The following LRR1 variants were observed in gnomAD, a reference collection of about 807,000 sequenced individuals.
LRR1 encodes the protein leucine-rich repeat protein 1.
A neutral mutation model predicts 31.6 loss-of-function variants in LRR1; 29 were observed. The observed-to-expected ratio is 0.92, with a 90% CI of 0.68 to 1.25. LRR1 has a LOEUF of 1.25. LRR1 is among the 50% of genes most tolerant of loss of function. The pLI is 0.00. For missense variants in LRR1, 485 were observed against 487.2 expected, an observed-to-expected ratio of 1.00 and a Z score of 0.04; for synonymous variants, 179 against 181.4, an observed-to-expected ratio of 0.99 and a Z score of 0.10.
chr14:49,599,900 G>C lies in LRR1; in HGVS notation c.183+697G>C, dbSNP rs1197311666. 3 of 851,452 alleles carry C rather than the reference G, an allele frequency of 3.5e-6. No individual in the cohort carries two copies. The Admixed American group carries it at 1.4e-4, about 39-fold the overall frequency. The allele number at this position is 851,452 out of a possible 1,614,324, so 52.7% of individuals were successfully genotyped here. On this transcript the variant is annotated intron_variant, in intron 1 of 3. Coordinates refer to ENST00000298288, the MANE Select transcript of LRR1 (RefSeq NM_152329.4). ...CCCCGCGGCGTGGAGCGGCGGCGAC[G>C]GCGGCGGACCCTCCAGGCGGGCTGA...
In LRR1 at chr14:49,607,412, A is replaced by C. The variant is rs774468080; in HGVS notation, c.295A>C (p.Ser99Arg). Residue 99 changes from serine (S) to arginine (R), a missense_variant, in exon 3 of 4, where the codon AGT becomes CGT. Transcript: ENST00000298288. ...DICLSKAISS[S>R]LKGFLSAMRL... ...TTTATTTATTCAGGCCATTTCCAGC[A>C]GTTTAAAAGGTTTCCTTTCAGCTAT... The C allele has an allele frequency of 6.4e-7, 1 of 1,563,706 alleles. No individual in the cohort carries two copies. The highest frequency in any genetic ancestry group is 8.6e-7 in the Non-Finnish European group (1 of 1,158,966).
Position 49,607,455 on chromosome 14 carries a change from G to A in LRR1, c.338G>A (p.Gly113Asp). 1.2e-6 allele frequency: 2 copies of A among 1,611,364 alleles called. No individual in the cohort carries two copies. Among genetic ancestry groups the A allele is most frequent in the Non-Finnish European group, 1.7e-6 (2 of 1,179,118 alleles). The change falls in exon 3 of 4, where the codon GGC becomes GAC. Residue 113 changes from glycine (G) to aspartate (D), a missense_variant. Gly to Asp is a moderately conservative substitution (Grantham distance 94, BLOSUM62 -1). Transcript: ENST00000298288. The part of the protein sequence containing the change: ...FLSAMRLAHR[G>D]CNVDTPVSTL... Reference sequence around the variant, plus strand: ...TCAGCTATGAGACTGGCTCATAGAGGCTGTAATGTTGATACACCAGTTTCA... The same window carrying A: ...TCAGCTATGAGACTGGCTCATAGAGACTGTAATGTTGATACACCAGTTTCA...
At chr14:49,604,041 A>G (rs551953019) in intron 2 of LRR1, among the ~76,000 whole-genome samples, 4 of 147,840 alleles carry the variant, frequency 2.7e-5, no homozygotes, top group Non-Finnish European at 4.5e-5. Flanking sequence ...CATAGCTCAC[A>G]CCTGTAATCC....
intron 3 of LRR1, chr14:49,612,691 C>T (rs988649560): frequency 3.1e-6 from 3 of 967,194 alleles, no homozygotes. Flanking sequence ...TTTAAACTCT[C>T]ATTTTAAGTT....
intron 1 of LRR1, chr14:49,600,006 C>T: frequency 1.2e-6 from 2 of 1,606,938 alleles, no homozygotes; most frequent in Non-Finnish European, 8.5e-7. Context: ...GGCTCACGGG[C>T]CCGGCGCGCT....
At chr14:49,599,919 G>GGGCTGA in intron 1 of LRR1, 1 of 1,186,796 alleles carries the variant, frequency 8.4e-7, no homozygotes, top group Non-Finnish European at 1.1e-6. Context: ...CCCTCCAGGC[G>GGGCTGA]GGCTGAGGCT....
At chr14:49,613,155 T>C (rs1029203972) in intron 3 of LRR1, among the ~76,000 whole-genome samples, 1 of 151,870 alleles carries the variant, frequency 6.6e-6, no homozygotes, top group African/African-American at 2.4e-5. Flanking sequence ...CTGGCTAACA[T>C]GGTGAAACCC....
intron 3 of LRR1, among the ~76,000 whole-genome samples, chr14:49,610,429 ATTT>A (rs1186619980): frequency 6.7e-6 from 1 of 150,216 alleles, no homozygotes; most frequent in Non-Finnish European, 1.5e-5. Context: ...ATTTTTTTGT[ATTT>A]TTAGTAGAGA....
At chr14:49,611,294 G>T (rs1438358915) in intron 3 of LRR1, among the ~76,000 whole-genome samples, 1 of 151,746 alleles carries the variant, frequency 6.6e-6, no homozygotes, top group African/African-American at 2.4e-5. Flanking sequence ...GACCAACATG[G>T]TGAAACCTCG....
chr14:49,601,614 G>A (rs1191077306), intron 1 of LRR1: 5 of 1,289,468 alleles, frequency 3.9e-6, no homozygotes, highest in Non-Finnish European at 4.0e-6. Flanking sequence ...ACTGGGAGGT[G>A]TGCCCACCCC....
In LRR1 at chr14:49,602,551, A is replaced by T; in HGVS notation, c.282+83A>T. The T allele has an allele frequency of 1.7e-6, 2 of 1,179,900 alleles. 1 individual carries two copies. The highest frequency in any genetic ancestry group is 2.6e-5 in the South Asian group (2 of 77,140). The allele number at this position is 1,179,900 out of a possible 1,614,324, so 73.1% of individuals were successfully genotyped here. A position where few individuals can be genotyped will look rare whatever the true frequency, so the allele number is the denominator to read the frequency against. On this transcript the variant is annotated intron_variant, in intron 2 of 3. Transcript: ENST00000298288. The stretch of plus-strand genomic sequence containing the variant: ...AAACAGAGTCTTGTTCTGTCACCCA[A>T]GCTGAAGTACAGAGGCATAGTCATA...
chr14:49,614,358 A>G lies in LRR1; in HGVS notation c.1107A>G (p.Gln369=). The part of the protein sequence containing the change: ...CGRFCLNSFI[Q]GTTTMNLHSV... ...GATTCTGTCTGAACTCTTTCATTCA[A>G]GGAACTACTACCATGAATCTGCATT... The change falls in exon 4 of 4, where the codon CAA becomes CAG. Residue 369 remains glutamine, a synonymous_variant. Transcript: ENST00000298288. 1 of 1,614,044 alleles carries G rather than the reference A, an allele frequency of 6.2e-7. No homozygotes were observed. The highest frequency in any genetic ancestry group is 2.2e-5 in the East Asian group (1 of 44,840).
intron 2 of LRR1, among the ~76,000 whole-genome samples, chr14:49,604,775 CA>C (rs536663833): frequency 2.0e-5 from 3 of 151,858 alleles, no homozygotes; most frequent in Admixed American, 2.0e-4. Flanking sequence ...CTTTCTCAAA[CA>C]AAAAAAATTT....
At chr14:49,601,602 C>A in intron 1 of LRR1, 2 of 1,288,806 alleles carry the variant, frequency 1.6e-6, no homozygotes, top group Non-Finnish European at 2.0e-6. Context: ...TGTATATAAC[C>A]TACTGGGAGG....
chr14:49,614,214 T>TA (rs1361387892), intron 3 of LRR1, 42 bp from the exon 4 acceptor site: 1 of 1,569,932 alleles, frequency 6.4e-7, no homozygotes, highest in Non-Finnish European at 8.6e-7. Context: ...GTCCTGAATC[T>TA]AGTAACATGT....
At position 49,614,524 on chromosome 14, in the gene LRR1, A is replaced by C; in HGVS notation, c.*28A>C. The C allele has an allele frequency of 6.2e-7, 1 of 1,612,658 alleles. No individual in the cohort carries two copies. The highest frequency in any genetic ancestry group is 8.5e-7 in the Non-Finnish European group (1 of 1,179,668). ...GGTGAGACCAGAAAAAGAAATTTCA[A>C]TAACAGATCAGTTTGGGGTGCATGT... On this transcript the variant is annotated 3_prime_UTR_variant, in exon 4 of 4. Coordinates refer to ENST00000298288, the MANE Select transcript of LRR1 (RefSeq NM_152329.4).
chr14:49,606,003 G>A (rs1882263500), intron 2 of LRR1, among the ~76,000 whole-genome samples: 1 of 145,546 alleles, frequency 6.9e-6, no homozygotes, highest in African/African-American at 2.5e-5. Flanking sequence ...TAGCTTCCAT[G>A]TTCCAACAAA....
intron 1 of LRR1, chr14:49,599,888 A>C: frequency 1.1e-5 from 7 of 656,696 alleles, no homozygotes; most frequent in Admixed American, 5.0e-5. Context: ...CGCGGCGTGG[A>C]GCGGCGGCGA....
rs71408651 is a variant in LRR1, at chr14:49,608,406, A to ATTTTTTTTT, written c.1004+318_1004+326dup. ...ATTCCTTCCCTCCTTACATTGCTTG[A>ATTTTTTTTT]TTTTTTTTTTTTTTTTTTTTTTTTT... On this transcript the variant is annotated intron_variant, in intron 3 of 3. Coordinates refer to ENST00000298288, the MANE Select transcript of LRR1 (RefSeq NM_152329.4). 5.4e-3 allele frequency among the ~76,000 whole-genome samples: 114 copies of ATTTTTTTTT among 21,096 alleles called. 5 individuals carry two copies. The highest frequency in any genetic ancestry group is 6.7e-3 in the Non-Finnish European group (82 of 12,158). The allele number at this position is 21,096 out of a possible 152,430, so 13.8% of individuals were successfully genotyped here.
Sources: allele counts gnomAD v4.1 joint callset (sites outside exome capture counted in the v4.1 genomes callset), GRCh38; gene constraint gnomAD v4.1.1; transcripts MANE v1.5; gene names NCBI Gene and HGNC (gene_info 2026-07-23, HGNC 2026-07-21).